Variants in SLC15A1 observed in about 807,000 individuals in gnomAD.
The protein encoded by SLC15A1 is solute carrier family 15 member 1.
A neutral mutation model predicts 92.9 loss-of-function variants in SLC15A1; 83 were observed. The ratio of observed to expected loss-of-function variants is 0.89; its 90% confidence interval spans 0.75 to 1.07. SLC15A1 has a LOEUF of 1.07. Ranked by LOEUF, SLC15A1 falls within the 50% of genes least tolerant of loss-of-function variation. SLC15A1 has a pLI of 0.00. For synonymous variants in SLC15A1, 322 were observed against 318.2 expected (o/e 1.01, Z -0.13); for missense variants, 857 against 880.1 (o/e 0.97, Z 0.33).
rs748347414 is a variant in SLC15A1 at position 98,708,702 on chromosome 13, A to C, written c.1133T>G (p.Val378Gly). 1 of 1,613,566 alleles carries C rather than the reference A, an allele frequency of 6.2e-7. No individual in the cohort carries two copies. Reference protein sequence around the residue: ...ASMAFVVAAIVQVEIDKTLPV... With the variant: ...ASMAFVVAAIGQVEIDKTLPV... ...ACAACTCACATCGATTTCCACCTGC[A>C]CGATGGCAGCCACCACAAAGGCCAT... The change falls in exon 15 of 23, where the codon GTG (valine) becomes GGG (glycine). Residue 378 changes from valine to glycine, a missense_variant. Val to Gly is a moderately radical substitution (Grantham distance 109). Transcript: ENST00000376503.
intron 1 of SLC15A1, among the ~76,000 whole-genome samples, chr13:98,729,286 G>T (rs138900085): frequency 6.6e-6 from 1 of 152,078 alleles, no homozygotes; most frequent in Admixed American, 6.5e-5. Context: ...AATCCTTAAA[G>T]CCCTATGGCA....
chr13:98,721,609 G>T, intron 6 of SLC15A1, 24 bp from the exon 7 acceptor site: 2 of 1,535,810 alleles, frequency 1.3e-6, no homozygotes, highest in Non-Finnish European at 1.8e-6. Flanking sequence ...GAGAAAGTAA[G>T]ATGACTTTGG....
chr13:98,747,412 C>A (rs777029235), intron 1 of SLC15A1, among the ~76,000 whole-genome samples: 11 of 152,148 alleles, frequency 7.2e-5, no homozygotes, highest in Non-Finnish European at 1.5e-4. Flanking sequence ...GAAGTCTTAG[C>A]TCCAAAGTTC....
At chr13:98,686,500 T>G (rs1346055703) in intron 21 of SLC15A1, among the ~76,000 whole-genome samples, 1 of 152,228 alleles carries the variant, frequency 6.6e-6, no homozygotes, top group African/African-American at 2.4e-5. Flanking sequence ...TTCCTGTGTT[T>G]CACGCTCCAC....
intron 1 of SLC15A1, among the ~76,000 whole-genome samples, chr13:98,734,326 A>G (rs1395297114): frequency 2.0e-5 from 3 of 152,318 alleles, no homozygotes; most frequent in Non-Finnish European, 4.4e-5. Context: ...AGATGGCCAA[A>G]TAGGAACAGC....
chr13:98,686,331 G>A, intron 21 of SLC15A1, 34 bp from the exon 22 acceptor site: 1 of 1,448,338 alleles, frequency 6.9e-7, no homozygotes, highest in Non-Finnish European at 9.6e-7. Flanking sequence ...TCCTGCTCCA[G>A]GTCTCACCCT....
chr13:98,752,253 G>T (rs1485138055), intron 1 of SLC15A1, among the ~76,000 whole-genome samples: 2 of 152,244 alleles, frequency 1.3e-5, no homozygotes, highest in South Asian at 4.1e-4. Context: ...TGTTTCTGCC[G>T]CCCCTGCCGT....
At chr13:98,716,068 A>G (rs576221592) in intron 8 of SLC15A1, 108 bp from the exon 9 acceptor site, 1 of 924,214 alleles carries the variant, frequency 1.1e-6, no homozygotes, top group African/African-American at 1.6e-5. Context: ...GGATAATGGG[A>G]TTACTTATGG....
intron 1 of SLC15A1, 76 bp from the exon 2 acceptor site, chr13:98,726,935 C>T: frequency 1.3e-6 from 2 of 1,494,952 alleles, no homozygotes; most frequent in Non-Finnish European, 1.9e-6. Context: ...CTCAGAGCCT[C>T]TGACTTTTTA....
At chr13:98,705,511 G>A (rs996462859) in intron 16 of SLC15A1, among the ~76,000 whole-genome samples, 1 of 152,162 alleles carries the variant, frequency 6.6e-6, no homozygotes, top group African/African-American at 2.4e-5. Flanking sequence ...CCCCAGTTTA[G>A]ATCCTTGATC....
At chr13:98,709,540 G>C (rs777306339) in intron 14 of SLC15A1, 32 bp downstream of exon 14, 9 of 1,595,496 alleles carry the variant, frequency 5.6e-6, no homozygotes, top group Non-Finnish European at 7.7e-6. Context: ...GACCAAGGGA[G>C]CCTCAACCAA....
Position 98,707,329 on chromosome 13 carries a change from A to C in SLC15A1, c.1150-1076T>G, listed in dbSNP as rs574494088. ...TTAGTATTCAGTTTACAAAGGAAGG[A>C]AATTCTGACACAGTCTACAACAGGA... On this transcript the variant is annotated intron_variant, in intron 15 of 22. Coordinates refer to ENST00000376503, the MANE Select transcript of SLC15A1 (RefSeq NM_005073.4). 3.9e-5 allele frequency among the ~76,000 whole-genome samples: 6 copies of C among 152,354 alleles called. No homozygotes were observed. The South Asian group carries it at 1.2e-3, about 32-fold the overall frequency.
intron 1 of SLC15A1, 21 bp downstream of exon 1, chr13:98,752,574 C>A: frequency 7.9e-7 from 1 of 1,259,674 alleles, no homozygotes; most frequent in South Asian, 3.1e-5. Flanking sequence ...GCCCGGCCGG[C>A]CCCCCACCCG....
At position 98,721,585 on chromosome 13, in the gene SLC15A1, C is replaced by A; in HGVS notation, c.466G>T (p.Glu156Ter). ...FGGDQFEEGQEKQRNRFFSIF... is the reference protein window; with the variant it reads ...FGGDQFEEGQ The stretch of plus-strand genomic sequence containing the variant: ...GAAAAAAATCTGTTTCTTTGTTTCT[C>A]CTGCAATGAAAAGGAGAAAGTAAGA... Residue 156 changes from glutamate to a stop codon, truncating the protein, a stop_gained and splice_region_variant, in exon 7 of 23, where the codon GAG becomes TAG. Coordinates refer to ENST00000376503, the MANE Select transcript of SLC15A1 (RefSeq NM_005073.4). LOFTEE classifies it high-confidence loss of function. 6.3e-7 allele frequency: 1 copy of A among 1,596,144 alleles called. No homozygotes were observed.
chr13:98,709,801 T>G, intron 12 of SLC15A1, 27 bp from the exon 13 acceptor site: 2 of 1,614,026 alleles, frequency 1.2e-6, no homozygotes, highest in Non-Finnish European at 1.7e-6. Context: ...ACAATCTCAG[T>G]GAAAAATGTC....
intron 7 of SLC15A1, among the ~76,000 whole-genome samples, chr13:98,720,002 T>C (rs2088243215): frequency 6.6e-6 from 1 of 152,108 alleles, no homozygotes; most frequent in East Asian, 1.9e-4. Flanking sequence ...AGTAAGCCTT[T>C]GTAAGAAGTC....
chr13:98,748,076 A>G (rs1162506430), intron 1 of SLC15A1, among the ~76,000 whole-genome samples: 5 of 151,996 alleles, frequency 3.3e-5, no homozygotes, highest in African/African-American at 1.2e-4. Context: ...ATAGTACCTC[A>G]TTTTCCTCAA....
intron 1 of SLC15A1, among the ~76,000 whole-genome samples, chr13:98,747,865 A>G (rs1388445215): frequency 7.9e-5 from 12 of 152,228 alleles, no homozygotes; most frequent in Non-Finnish European, 1.0e-4. Flanking sequence ...TGGTTGACAG[A>G]GCAGACTGCA....
intron 15 of SLC15A1, among the ~76,000 whole-genome samples, chr13:98,707,465 A>G (rs1022405370): frequency 2.0e-5 from 3 of 152,230 alleles, no homozygotes; most frequent in Non-Finnish European, 4.4e-5. Flanking sequence ...AGACTCAGAA[A>G]GTAGAATGGG....
Sources: allele counts gnomAD v4.1 joint callset (sites outside exome capture counted in the v4.1 genomes callset), GRCh38; gene constraint gnomAD v4.1.1; transcripts MANE v1.5; gene names NCBI Gene and HGNC (gene_info 2026-07-23, HGNC 2026-07-21).